Variants in NR2F1-AS1 observed in about 807,000 individuals in gnomAD.
NR2F1-AS1 encodes NR2F1 regulatory antisense RNA 1.
chr5:93,486,204 G>A (rs1750713230), intron 4 of NR2F1-AS1, among the ~76,000 whole-genome samples: 1 of 149,298 alleles, frequency 6.7e-6, no homozygotes, highest in African/African-American at 2.5e-5. Context: ...CATGGCACAT[G>A]TATACATATG....
At chr5:93,431,108 T>C (rs1749303774) in intron 4 of NR2F1-AS1, among the ~76,000 whole-genome samples, 1 of 152,134 alleles carries the variant, frequency 6.6e-6, no homozygotes, top group African/African-American at 2.4e-5. Context: ...GCCAGCACAG[T>C]TACACATTTT....
chr5:93,479,497 T>C (rs753873183), intron 4 of NR2F1-AS1, among the ~76,000 whole-genome samples: 1 of 152,166 alleles, frequency 6.6e-6, no homozygotes, highest in Non-Finnish European at 1.5e-5. Flanking sequence ...GAAAAGTCAC[T>C]AAACAAATGA....
intron 4 of NR2F1-AS1, among the ~76,000 whole-genome samples, chr5:93,472,808 T>C (rs1750397062): frequency 6.6e-6 from 1 of 151,928 alleles, no homozygotes; most frequent in Non-Finnish European, 1.5e-5. Flanking sequence ...ATTTTTAATC[T>C]GAACATTACC....
chr5:93,538,501 T>C (rs1304305158), intron 4 of NR2F1-AS1, among the ~76,000 whole-genome samples: 2 of 152,036 alleles, frequency 1.3e-5, no homozygotes, highest in African/African-American at 4.8e-5. Context: ...TAAATAAATA[T>C]TCACAAAATA....
At chr5:93,502,811 G>T (rs961340992) in intron 4 of NR2F1-AS1, among the ~76,000 whole-genome samples, 3 of 152,018 alleles carry the variant, frequency 2.0e-5, no homozygotes, top group African/African-American at 2.4e-5. Flanking sequence ...CTGCTAGTAA[G>T]GAATTTTATA....
intron 4 of NR2F1-AS1, among the ~76,000 whole-genome samples, chr5:93,506,109 T>A (rs1006746545): frequency 3.9e-5 from 6 of 152,126 alleles, no homozygotes; most frequent in African/African-American, 7.2e-5. Flanking sequence ...CCCCAAATCA[T>A]CTCTCTCAAG....
chr5:93,418,001 T>C (rs1432869935), intron 4 of NR2F1-AS1, among the ~76,000 whole-genome samples: 1 of 152,180 alleles, frequency 6.6e-6, no homozygotes, highest in African/African-American at 2.4e-5. Context: ...TTTCTTTTCT[T>C]TTCTTTAGGC....
chr5:93,583,358 CCTCCTCTCCTCTCTCT>C (rs1403487437), upstream of NR2F1-AS1: 1 of 147,866 alleles, frequency 6.8e-6, no homozygotes, highest in African/African-American at 2.5e-5. Context: ...CCCCTCTCTC[CCTCCTCTCCTCTCTCT>C]CTCCTCTCTT....
intron 4 of NR2F1-AS1, among the ~76,000 whole-genome samples, chr5:93,419,358 A>G (rs1047564414): frequency 1.3e-5 from 2 of 152,250 alleles, no homozygotes; most frequent in African/African-American, 4.8e-5. Flanking sequence ...GTAACTATAA[A>G]TATGTAGTTA....
At chr5:93,578,339 T>C (rs1752942498) in intron 1 of NR2F1-AS1, among the ~76,000 whole-genome samples, 1 of 152,074 alleles carries the variant, frequency 6.6e-6, no homozygotes, top group South Asian at 2.1e-4. Flanking sequence ...CCGCAAGGGG[T>C]ACTATAGGCT....
chr5:93,524,503 A>G (rs534959125), intron 4 of NR2F1-AS1, among the ~76,000 whole-genome samples: 1 of 152,204 alleles, frequency 6.6e-6, no homozygotes, highest in Non-Finnish European at 1.5e-5. Flanking sequence ...GGAAATACAG[A>G]GAACCTCACA....
At chr5:93,539,901 T>C (rs941351022) in intron 4 of NR2F1-AS1, among the ~76,000 whole-genome samples, 4 of 151,896 alleles carry the variant, frequency 2.6e-5, no homozygotes, top group Non-Finnish European at 5.9e-5. Context: ...TAAATTTTAA[T>C]TTAACTAAAT....
At chr5:93,451,976 C>G (rs1422172933) in intron 4 of NR2F1-AS1, among the ~76,000 whole-genome samples, 1 of 152,146 alleles carries the variant, frequency 6.6e-6, no homozygotes, top group Non-Finnish European at 1.5e-5. Flanking sequence ...TAAAGTCACA[C>G]AATACATTCC....
chr5:93,568,525 T>C (rs1226057137), intron 1 of NR2F1-AS1, among the ~76,000 whole-genome samples: 1 of 152,122 alleles, frequency 6.6e-6, no homozygotes, highest in Non-Finnish European at 1.5e-5. Context: ...GAGAAGTCAG[T>C]AAAAGAAAAG....
intron 4 of NR2F1-AS1, among the ~76,000 whole-genome samples, chr5:93,472,604 A>G (rs1478390060): frequency 6.6e-6 from 1 of 151,882 alleles, no homozygotes; most frequent in Non-Finnish European, 1.5e-5. Flanking sequence ...ACTACTAATC[A>G]TTAGGTAGAA....
chr5:93,530,075 CTTTTTTTTTTT>C (rs1227046832), intron 4 of NR2F1-AS1, among the ~76,000 whole-genome samples: 2 of 97,916 alleles, frequency 2.0e-5, no homozygotes, highest in Admixed American at 1.2e-4. Context: ...AATTTGAAGG[CTTTTTTTTTTT>C]TTTTTTTTTT....
chr5:93,565,930 T>C (rs1159127765), intron 1 of NR2F1-AS1, among the ~76,000 whole-genome samples: 1 of 151,690 alleles, frequency 6.6e-6, no homozygotes, highest in African/African-American at 2.4e-5. Flanking sequence ...ACTAATAGCA[T>C]GATAAACCCA....
chr5:93,580,186 G>C (rs1394893415), intron 1 of NR2F1-AS1, among the ~76,000 whole-genome samples: 1 of 152,242 alleles, frequency 6.6e-6, no homozygotes, highest in Non-Finnish European at 1.5e-5. Flanking sequence ...GCGGGTGGGG[G>C]TGGGAGCAGC....
intron 4 of NR2F1-AS1, among the ~76,000 whole-genome samples, chr5:93,479,665 A>G (rs1750559641): frequency 7.2e-6 from 1 of 139,082 alleles, no homozygotes; most frequent in African/African-American, 3.4e-5. Flanking sequence ...TTCATGGGGG[A>G]AAAAAATGAT....
Sources: allele counts gnomAD v4.1 joint callset (sites outside exome capture counted in the v4.1 genomes callset), GRCh38; gene constraint gnomAD v4.1.1; transcripts MANE v1.5; gene names NCBI Gene and HGNC (gene_info 2026-07-23, HGNC 2026-07-21).